PRKCA: variants seen among roughly 807,000 people sequenced by gnomAD.
The protein encoded by PRKCA is protein kinase C alpha type.
In PRKCA, 27 loss-of-function variants were observed where a neutral mutation model predicts 87.0. That is an observed-to-expected ratio of 0.31 (90% CI 0.23 to 0.43). The LOEUF is 0.43. Among genes scored for constraint, PRKCA ranks in the 20% least tolerant of loss-of-function variants. PRKCA has a pLI of 1.00. For missense variants in PRKCA, 518 were observed against 852.3 expected, an observed-to-expected ratio of 0.61 and a Z score of 4.88; for synonymous variants, 329 against 311.1, an observed-to-expected ratio of 1.06 and a Z score of -0.61.
intron 2 of PRKCA, among the ~76,000 whole-genome samples, chr17:66,393,665 T>TGC (rs61002495): frequency 1.6e-4 from 24 of 151,426 alleles, no homozygotes; most frequent in Middle Eastern, 3.4e-3. Context: ...TGTGTGTGTG[T>TGC]GCGCCGTCAA....
intron 2 of PRKCA, among the ~76,000 whole-genome samples, chr17:66,314,426 A>G (rs1905206566): frequency 6.6e-6 from 1 of 152,194 alleles, no homozygotes; most frequent in Non-Finnish European, 1.5e-5. Flanking sequence ...AAAAGGGAAA[A>G]TGGTTTCTGG....
At chr17:66,385,451 G>A (rs2143609712) in intron 2 of PRKCA, among the ~76,000 whole-genome samples, 1 of 152,246 alleles carries the variant, frequency 6.6e-6, no homozygotes, top group South Asian at 2.1e-4. Context: ...ATTTTATAGG[G>A]CATTGCCCTT....
intron 5 of PRKCA, among the ~76,000 whole-genome samples, chr17:66,667,620 G>A (rs1972075142): frequency 6.6e-6 from 1 of 152,140 alleles, no homozygotes; most frequent in South Asian, 2.1e-4. Flanking sequence ...TGAGATTTGG[G>A]TGCAGACACA....
chr17:66,667,503 AACTC>A (rs1224693088), intron 5 of PRKCA, among the ~76,000 whole-genome samples: 14 of 152,166 alleles, frequency 9.2e-5, no homozygotes, highest in African/African-American at 2.9e-4. Context: ...ATCTTGTGAG[AACTC>A]ACTCACTATC....
chr17:66,617,335 C>G (rs1054582088), intron 3 of PRKCA, among the ~76,000 whole-genome samples: 1 of 152,074 alleles, frequency 6.6e-6, no homozygotes, highest in African/African-American at 2.4e-5. Context: ...TTTGAAGCCT[C>G]ACTTTATTCT....
chr17:66,676,007 C>T (rs575311812), intron 5 of PRKCA, among the ~76,000 whole-genome samples: 3 of 152,268 alleles, frequency 2.0e-5, no homozygotes, highest in Middle Eastern at 3.4e-3. Flanking sequence ...GTGGGAAGGG[C>T]GCTCGGTAAA....
chr17:66,695,938 G>A (rs1256777805), intron 8 of PRKCA, among the ~76,000 whole-genome samples: 1 of 152,192 alleles, frequency 6.6e-6, no homozygotes, highest in African/African-American at 2.4e-5. Flanking sequence ...AAGCTTGTAT[G>A]AGCTCTCTAA....
At position 66,452,725 on chromosome 17, in the gene PRKCA, G is replaced by A. The variant is rs192852935; in HGVS notation, c.206-43476G>A. Among the ~76,000 whole-genome samples the A allele has an allele frequency of 4.5e-4, 68 of 152,224 alleles. 1 individual carries two copies. The highest frequency in any genetic ancestry group is 2.9e-4 in the Non-Finnish European group (20 of 68,016). ...TAACTAGACAAAAAATTAGCTGGGC[G>A]TGGTGGCGGGTGCCTGTAGTCCCAG... On this transcript the variant is annotated intron_variant, in intron 2 of 16. Coordinates refer to ENST00000413366, the MANE Select transcript of PRKCA (RefSeq NM_002737.3).
chr17:66,661,123 C>CT (rs1231402825), intron 5 of PRKCA, among the ~76,000 whole-genome samples: 1 of 152,174 alleles, frequency 6.6e-6, no homozygotes, highest in African/African-American at 2.4e-5. Flanking sequence ...ACACGTTAGA[C>CT]TTTCTTTGCA....
intron 3 of PRKCA, among the ~76,000 whole-genome samples, chr17:66,591,063 G>A (rs934994865): frequency 1.3e-4 from 20 of 152,210 alleles, no homozygotes; most frequent in African/African-American, 4.6e-4. Context: ...CCCCTGTACC[G>A]CATTTTCCAC....
intron 3 of PRKCA, among the ~76,000 whole-genome samples, chr17:66,626,864 A>G (rs1342153881): frequency 2.0e-5 from 3 of 152,224 alleles, no homozygotes; most frequent in Non-Finnish European, 4.4e-5. Flanking sequence ...AGGAGAAACA[A>G]TAATTTGGAA....
intron 3 of PRKCA, among the ~76,000 whole-genome samples, chr17:66,569,894 C>T (rs759959890): frequency 2.0e-5 from 3 of 152,176 alleles, no homozygotes; most frequent in Non-Finnish European, 4.4e-5. Flanking sequence ...CAATTCTTCT[C>T]GTAGGTGGAT....
intron 2 of PRKCA, among the ~76,000 whole-genome samples, chr17:66,420,679 T>C (rs1912441065): frequency 1.3e-5 from 2 of 152,190 alleles, no homozygotes; most frequent in African/African-American, 4.8e-5. Flanking sequence ...TTTCAATATA[T>C]GGTGGTTTTT....
At chr17:66,648,737 A>C (rs1211374537) in intron 5 of PRKCA, among the ~76,000 whole-genome samples, 2 of 152,256 alleles carry the variant, frequency 1.3e-5, no homozygotes, top group East Asian at 3.9e-4. Flanking sequence ...TACACCCTTC[A>C]CCCAGCAACC....
intron 2 of PRKCA, among the ~76,000 whole-genome samples, chr17:66,311,864 C>T (rs4328478): frequency 0.59 from 90,471 of 152,056 alleles, 27,065 homozygotes; most frequent in African/African-American, 0.65. Context: ...ATCCTACCCC[C>T]GCCACCAGAA....
chr17:66,763,536 T>TACATGTC (rs1188193054), intron 13 of PRKCA, among the ~76,000 whole-genome samples: 3 of 152,236 alleles, frequency 2.0e-5, no homozygotes, highest in African/African-American at 7.2e-5. Flanking sequence ...GGTCCTGTGT[T>TACATGTC]CTATCCTTGG....
At chr17:66,589,474 A>T (rs1969728254) in intron 3 of PRKCA, among the ~76,000 whole-genome samples, 1 of 152,072 alleles carries the variant, frequency 6.6e-6, no homozygotes, top group African/African-American at 2.4e-5. Context: ...TATCTTGAAG[A>T]TTTTAAAACA....
At position 66,786,850 on chromosome 17, in the gene PRKCA, CT is replaced by C. The variant is rs1311896679; in HGVS notation, c.1606-10del. 2 of 1,603,426 alleles carry C rather than the reference CT, an allele frequency of 1.2e-6. No individual in the cohort carries two copies. The highest frequency in any genetic ancestry group is 1.7e-6 in the Non-Finnish European group (2 of 1,170,608). ...TCTGCCTAAATACTTTCCCATCTTTCTTTTTTTCCGGAACAGCCTCCATTTG... is the reference window on the plus strand; with the variant it reads ...TCTGCCTAAATACTTTCCCATCTTTCTTTTTTCCGGAACAGCCTCCATTTG... On this transcript the variant is annotated splice_polypyrimidine_tract_variant and intron_variant, in intron 14 of 16. Coordinates refer to ENST00000413366, the MANE Select transcript of PRKCA (RefSeq NM_002737.3).
chr17:66,790,643 G>A (rs948480093), intron 16 of PRKCA, among the ~76,000 whole-genome samples: 4 of 152,180 alleles, frequency 2.6e-5, no homozygotes, highest in East Asian at 1.9e-4. Flanking sequence ...GTAGAGATGC[G>A]TACTGACCCC....
Sources: gnomAD v4.1 joint callset for allele counts (sites outside exome capture counted in the v4.1 genomes callset) on GRCh38, gnomAD v4.1.1 for gene constraint, MANE v1.5 for transcripts, NCBI Gene and HGNC (gene_info 2026-07-23, HGNC 2026-07-21) for gene names.